The following STK32B variants were observed in gnomAD, a reference collection of about 807,000 sequenced individuals.
The protein encoded by STK32B is serine/threonine-protein kinase 32B.
Under a neutral mutation model 52.6 loss-of-function variants are expected in STK32B, and 43 were observed. The observed-to-expected ratio is 0.82, with a 90% CI of 0.64 to 1.05. The LOEUF (loss-of-function observed/expected upper bound fraction) is 1.05, where lower values mean the gene tolerates loss of function less well. STK32B is among the 50% of genes least tolerant of loss of function. STK32B has a pLI of 0.00. For synonymous variants in STK32B, 238 were observed against 204.3 expected, an observed-to-expected ratio of 1.17 and a Z score of -1.41; for missense variants, 621 against 534.6, an observed-to-expected ratio of 1.16 and a Z score of -1.59.
In STK32B at chr4:5,498,962, G is replaced by T; in HGVS notation, c.1124G>T (p.Gly375Val). The T allele has an allele frequency of 6.2e-7, 1 of 1,613,150 alleles. No individual in the cohort carries two copies. Among genetic ancestry groups the T allele is most frequent in the South Asian group, 1.1e-5 (1 of 90,898 alleles). The part of the protein sequence containing the change: ...FNREKLRRQQ[G>V]QGSQLLDTDS... ...GTTTGCAGGCTCAGGAGGCAGCAGG[G>T]ACAGGGCAGCCAGCTCTTGGACACC... The change falls in exon 12 of 12, where the codon GGA becomes GTA. Residue 375 changes from glycine to valine, a missense_variant. Coordinates refer to ENST00000282908, the MANE Select transcript of STK32B (RefSeq NM_018401.3).
Position 5,252,819 on chromosome 4 carries a change from A to G in STK32B, c.261-78401A>G, listed in dbSNP as rs75425882. 4.5e-3 allele frequency among the ~76,000 whole-genome samples: 683 copies of G among 152,302 alleles called. 2 individuals carry two copies. Among genetic ancestry groups the G allele is most frequent in the African/African-American group, 0.015 (623 of 41,570 alleles). On this transcript the variant is annotated intron_variant, in intron 3 of 11. Transcript: ENST00000282908. The stretch of plus-strand genomic sequence containing the variant: ...GAGGCAGTAGTACCATAGAATCAGC[A>G]TGAAGGTTACATGCAGTGATTAATA...
intron 3 of STK32B, among the ~76,000 whole-genome samples, chr4:5,201,806 T>G (rs1350071115): frequency 6.6e-6 from 1 of 152,138 alleles, no homozygotes; most frequent in Non-Finnish European, 1.5e-5. Flanking sequence ...GAGAATAGAA[T>G]GGGGTAAACT....
rs565904408 is a variant in STK32B at position 5,473,843 on chromosome 4, G to A, written c.1106+5773G>A. Among the ~76,000 whole-genome samples, 10 of 152,252 alleles carry A rather than the reference G, an allele frequency of 6.6e-5. No homozygotes were observed. The East Asian group carries it at 7.7e-4, about 12-fold the overall frequency. The stretch of plus-strand genomic sequence containing the variant: ...CAAAAGATATTTAAAGACCGGACAC[G>A]GTGGTTCACACCTGTAATCCCAGCA... On this transcript the variant is annotated intron_variant, in intron 11 of 11. Coordinates refer to ENST00000282908, the MANE Select transcript of STK32B (RefSeq NM_018401.3).
chr4:5,100,696 T>C lies in STK32B; in HGVS notation c.53-39209T>C, dbSNP rs371145104. On this transcript the variant is annotated intron_variant, in intron 1 of 11. Coordinates refer to ENST00000282908, the MANE Select transcript of STK32B (RefSeq NM_018401.3). ...TCTTTCCTTTCTTACTTTCTTTCTT[T>C]CCTTCCTTCCTTTCTTCCTTCCCTC... Among the ~76,000 whole-genome samples the C allele has an allele frequency of 1.4e-3, 51 of 36,140 alleles. 2 individuals carry two copies. Among genetic ancestry groups the C allele is most frequent in the Admixed American group, 2.8e-3 (8 of 2,848 alleles). 23.7% of individuals were successfully genotyped at this position (36,140 alleles called of 152,430 possible).
At chr4:5,264,149 A>G (rs761907205) in intron 3 of STK32B, among the ~76,000 whole-genome samples, 58 of 152,318 alleles carry the variant, frequency 3.8e-4, no homozygotes, top group African/African-American at 1.4e-3. Flanking sequence ...TTGTGAACAT[A>G]TACTTTCATT....
intron 2 of STK32B, among the ~76,000 whole-genome samples, chr4:5,158,788 C>T (rs1044408766): frequency 3.9e-5 from 6 of 152,178 alleles, no homozygotes; most frequent in African/African-American, 1.4e-4. Flanking sequence ...GTCCCGATCC[C>T]TCTTCTTACA....
intron 3 of STK32B, among the ~76,000 whole-genome samples, chr4:5,230,178 C>CTTTTTTTTTTTTTTTTTTTTTTTTTTT (rs752036100): frequency 1.3e-4 from 9 of 71,122 alleles, no homozygotes; most frequent in African/African-American, 1.6e-4. Context: ...CATGCATTCC[C>CTTTTTTTTTTTTTTTTTTTTTTTTTTT]TTTTTTTTTT....
chr4:5,260,669 C>T (rs1726653875), intron 3 of STK32B, among the ~76,000 whole-genome samples: 1 of 152,148 alleles, frequency 6.6e-6, no homozygotes, highest in Non-Finnish European at 1.5e-5. Context: ...GGAAAGACAT[C>T]TGGCACATGT....
rs1716563399 is a variant in STK32B, at chr4:5,456,808, G to A, written c.668G>A (p.Arg223Lys). 1 of 1,574,558 alleles carries A rather than the reference G, an allele frequency of 6.4e-7. No individual in the cohort carries two copies. Among genetic ancestry groups the A allele is most frequent in the South Asian group, 1.2e-5 (1 of 84,092 alleles). ...ITAYELLRGW[R>K]PYEIHSVTPI... is the part of the protein sequence containing the mutation. The stretch of plus-strand genomic sequence containing the variant: ...CTGGCTGTTGTTCTTTGATTGCAGA[G>A]GCCGTACGAAATCCACTCGGTCACG... The change falls in exon 8 of 12, where the codon AGG becomes AAG. Residue 223 changes from arginine to lysine, a missense_variant and splice_region_variant. Coordinates refer to ENST00000282908, the MANE Select transcript of STK32B (RefSeq NM_018401.3).
chr4:5,087,901 A>G (rs1712825062), intron 1 of STK32B, among the ~76,000 whole-genome samples: 1 of 152,090 alleles, frequency 6.6e-6, no homozygotes. Flanking sequence ...TAGACAGAAT[A>G]TCATCAAAGA....
intron 2 of STK32B, among the ~76,000 whole-genome samples, chr4:5,158,175 C>A (rs1718018521): frequency 6.6e-6 from 1 of 152,152 alleles, no homozygotes; most frequent in South Asian, 2.1e-4. Flanking sequence ...ATCTGCACTT[C>A]TCAGCATCTT....
chr4:5,466,770 AC>A lies in STK32B; in HGVS notation c.978del (p.His326GlnfsTer22). 6.2e-7 allele frequency: 1 copy of A among 1,614,120 alleles called. No individual in the cohort carries two copies. Among genetic ancestry groups the A allele is most frequent in the Non-Finnish European group, 8.5e-7 (1 of 1,179,990 alleles). On this transcript the variant is annotated frameshift_variant, in exon 10 of 12. Transcript: ENST00000282908. LOFTEE classifies it high-confidence loss of function. Reference sequence around the variant, plus strand: ...ATGATTCTAGAATCCAAGCCACTTCACAAAAAGAAGAAGCGATTGGCAAAGA... The same window carrying A: ...ATGATTCTAGAATCCAAGCCACTTCAAAAAAGAAGAAGCGATTGGCAAAGA... ...EEMILESKPL[H>X]KKKKRLAKNR...
intron 3 of STK32B, among the ~76,000 whole-genome samples, chr4:5,227,104 A>G (rs1222282032): frequency 1.3e-5 from 2 of 152,198 alleles, no homozygotes; most frequent in Non-Finnish European, 2.9e-5. Flanking sequence ...AGAAAACCTA[A>G]CTTCTGACAG....
intron 4 of STK32B, among the ~76,000 whole-genome samples, chr4:5,390,168 G>T (rs1205329974): frequency 6.6e-6 from 1 of 152,222 alleles, no homozygotes; most frequent in Non-Finnish European, 1.5e-5. Flanking sequence ...TACTGCAGTG[G>T]TGAGGGAGTC....
intron 7 of STK32B, among the ~76,000 whole-genome samples, chr4:5,452,352 T>C (rs1376945127): frequency 6.6e-6 from 1 of 151,244 alleles, no homozygotes; most frequent in Non-Finnish European, 1.5e-5. Flanking sequence ...GTACAAGGCG[T>C]GGGTGGGCTG....
At chr4:5,135,077 T>C (rs898237009) in intron 1 of STK32B, among the ~76,000 whole-genome samples, 1 of 152,244 alleles carries the variant, frequency 6.6e-6, no homozygotes, top group Non-Finnish European at 1.5e-5. Context: ...TAATTAGCAC[T>C]AATACACTTC....
At position 5,470,112 on chromosome 4, in the gene STK32B, C is replaced by T. The variant is rs1269091510; in HGVS notation, c.1106+2042C>T. Among the ~76,000 whole-genome samples the T allele has an allele frequency of 2.0e-5, 3 of 152,272 alleles. No homozygotes were observed. The East Asian group carries it at 5.8e-4, about 29-fold the overall frequency. On this transcript the variant is annotated intron_variant, in intron 11 of 11. Coordinates refer to ENST00000282908, the MANE Select transcript of STK32B (RefSeq NM_018401.3). This position sits in a 1 kb window ranked among gnomAD's most constrained non-coding sequence, Gnocchi z 4.6. ...AGAACATGCTTCAATTTGGATTCTT[C>T]CTTTTAAAAGGAAGTGAGAATGAGA... is the stretch of plus-strand genomic sequence containing the variant.
intron 3 of STK32B, among the ~76,000 whole-genome samples, chr4:5,288,620 A>C (rs1728696592): frequency 6.6e-6 from 1 of 152,100 alleles, no homozygotes; most frequent in Admixed American, 6.5e-5. Context: ...TAAGTTTTTA[A>C]ATCTAATTCT....
chr4:5,116,670 A>G (rs924144652), intron 1 of STK32B, among the ~76,000 whole-genome samples: 5 of 152,126 alleles, frequency 3.3e-5, no homozygotes, highest in African/African-American at 1.2e-4. Context: ...TAGGATTTCT[A>G]TTTCTGTGAA....
Sources: gnomAD v4.1 joint callset for allele counts (sites outside exome capture counted in the v4.1 genomes callset) on GRCh38, gnomAD v4.1.1 for gene constraint, Gnocchi (gnomAD v3.1) non-coding constraint, MANE v1.5 for transcripts, NCBI Gene and HGNC (gene_info 2026-07-23, HGNC 2026-07-21) for gene names.